Variants in NRXN3 observed in about 807,000 individuals in gnomAD.
The protein encoded by NRXN3 is neurexin 3.
In NRXN3, 32 loss-of-function variants were observed where a neutral mutation model predicts 137.6. The observed-to-expected ratio is 0.23, with a 90% CI of 0.18 to 0.31. The LOEUF (loss-of-function observed/expected upper bound fraction) is 0.31, where lower values mean the gene tolerates loss of function less well. Among genes scored for constraint, NRXN3 ranks in the 10% least tolerant of loss-of-function variants. NRXN3 has a pLI of 1.00. For missense variants in NRXN3, 1,574 were observed against 2,062.5 expected (o/e 0.76, Z 4.59); for synonymous variants, 798 against 784.5 (o/e 1.02, Z -0.29).
At chr14:78,382,800 C>G (rs756478780) in intron 4 of NRXN3, among the ~76,000 whole-genome samples, 1 of 152,094 alleles carries the variant, frequency 6.6e-6, no homozygotes, top group Non-Finnish European at 1.5e-5. Context: ...TAACAGTACT[C>G]AGGATATGTA....
At chr14:78,259,651 A>T (rs2070348015) in intron 2 of NRXN3, among the ~76,000 whole-genome samples, 1 of 152,148 alleles carries the variant, frequency 6.6e-6, no homozygotes, top group Non-Finnish European at 1.5e-5. Context: ...CAGAGGTGGG[A>T]TGCTTGGAAA....
chr14:78,654,418 A>G (rs8008196), intron 6 of NRXN3, among the ~76,000 whole-genome samples: 152,294 of 152,360 alleles, frequency 1, 76,114 homozygotes, highest in Middle Eastern at 1. Context: ...GGGACATGGC[A>G]AAGGGCCTAT....
chr14:78,686,568 T>C (rs1055068019), intron 6 of NRXN3, among the ~76,000 whole-genome samples: 29 of 152,210 alleles, frequency 1.9e-4, no homozygotes, highest in African/African-American at 6.8e-4. Flanking sequence ...AGAAACCCAA[T>C]TGGTAATACT....
intron 10 of NRXN3, among the ~76,000 whole-genome samples, chr14:78,868,924 T>C (rs1329149842): frequency 6.6e-6 from 1 of 152,172 alleles, no homozygotes; most frequent in Admixed American, 6.5e-5. Flanking sequence ...GTTGAATAGC[T>C]TAAATTTAGG....
chr14:78,971,361 G>A (rs2099439318), intron 14 of NRXN3, among the ~76,000 whole-genome samples: 1 of 151,656 alleles, frequency 6.6e-6, no homozygotes, highest in Admixed American at 6.6e-5. Context: ...TTATAACTAA[G>A]AACTAAGACC....
intron 16 of NRXN3, among the ~76,000 whole-genome samples, chr14:79,552,531 A>C (rs1431276703): frequency 6.6e-6 from 1 of 152,196 alleles, no homozygotes; most frequent in Non-Finnish European, 1.5e-5. Context: ...CAAATTTATT[A>C]ACATGCAGAT....
intron 4 of NRXN3, among the ~76,000 whole-genome samples, chr14:78,589,935 C>T (rs536927011): frequency 1.1e-3 from 170 of 152,194 alleles, no homozygotes; most frequent in African/African-American, 3.9e-3. Context: ...CCAGCCTGGG[C>T]GACAAGAGTG....
At chr14:78,798,666 G>A (rs1028807390) in intron 8 of NRXN3, among the ~76,000 whole-genome samples, 4 of 152,222 alleles carry the variant, frequency 2.6e-5, no homozygotes, top group African/African-American at 9.6e-5. Context: ...CCCTAGCAGA[G>A]GCTCTCCATG....
intron 16 of NRXN3, among the ~76,000 whole-genome samples, chr14:79,504,670 T>TATATATATATATATATA (rs1297701522): frequency 3.5e-5 from 5 of 143,118 alleles, no homozygotes; most frequent in African/African-American, 1.3e-4. Context: ...TATATATATA[T>TATATATATATATATATA]ATATAAAACA....
intron 2 of NRXN3, among the ~76,000 whole-genome samples, chr14:78,268,780 TA>T (rs1217137398): frequency 3.9e-5 from 6 of 152,180 alleles, no homozygotes; most frequent in Admixed American, 3.3e-4. Context: ...TAAATGAGGT[TA>T]TTTACATACA....
intron 16 of NRXN3, among the ~76,000 whole-genome samples, chr14:79,522,606 C>T (rs546773963): frequency 5.9e-5 from 9 of 152,068 alleles, no homozygotes; most frequent in Non-Finnish European, 1.3e-4. Context: ...AGTCTTGTAC[C>T]TCTGTAATCT....
At position 79,735,454 on chromosome 14, in the gene NRXN3, G is replaced by A. The variant is rs11622840; in HGVS notation, c.4014+37517G>A. On this transcript the variant is annotated intron_variant, in intron 19 of 20. Transcript: ENST00000335750. ...GACTTAAAGCTGCAAACTTCCCGGG[G>A]TTGACATTAGCTTGAACTTGATGAA... Among the ~76,000 whole-genome samples, 830 of 152,236 alleles carry A rather than the reference G, an allele frequency of 5.5e-3. 9 individuals carry two copies. Among genetic ancestry groups the A allele is most frequent in the Non-Finnish European group, 8.0e-3 (543 of 68,018 alleles).
chr14:78,597,192 G>A (rs1021441602), intron 4 of NRXN3, among the ~76,000 whole-genome samples: 2 of 152,184 alleles, frequency 1.3e-5, no homozygotes, highest in Non-Finnish European at 2.9e-5. Context: ...AATAAATGCA[G>A]GATCAGCTGA....
chr14:78,491,048 T>C (rs772056719), intron 4 of NRXN3, among the ~76,000 whole-genome samples: 9 of 152,118 alleles, frequency 5.9e-5, no homozygotes, highest in Non-Finnish European at 1.0e-4. Flanking sequence ...TTTCGACCTA[T>C]TCAGAAAAGA....
intron 15 of NRXN3, among the ~76,000 whole-genome samples, chr14:79,167,209 A>G (rs2061362049): frequency 6.6e-6 from 1 of 152,056 alleles, no homozygotes; most frequent in South Asian, 2.1e-4. Context: ...TATTTACATC[A>G]AACTTCCCAC....
chr14:78,316,037 A>G (rs2078675737), intron 4 of NRXN3, among the ~76,000 whole-genome samples: 1 of 152,266 alleles, frequency 6.6e-6, no homozygotes, highest in Non-Finnish European at 1.5e-5. Flanking sequence ...CCATTGTACT[A>G]TTGGAATGGA....
chr14:78,883,999 G>T (rs188000491), intron 10 of NRXN3, among the ~76,000 whole-genome samples: 112 of 152,304 alleles, frequency 7.4e-4, no homozygotes, highest in Non-Finnish European at 1.5e-3. Context: ...CAGACGAATA[G>T]TTCCATGATT....
intron 15 of NRXN3, among the ~76,000 whole-genome samples, chr14:79,348,819 C>G (rs1171984817): frequency 6.6e-6 from 1 of 152,162 alleles, no homozygotes; most frequent in Non-Finnish European, 1.5e-5. Context: ...TCTGCATGAT[C>G]AATTACTGCA....
At chr14:78,575,283 G>GT (rs1422489208) in intron 4 of NRXN3, among the ~76,000 whole-genome samples, 1 of 152,206 alleles carries the variant, frequency 6.6e-6, no homozygotes, top group Non-Finnish European at 1.5e-5. Flanking sequence ...GCCAAGAAGT[G>GT]ATCATAGGAT....
Sources: gnomAD v4.1 joint callset for allele counts (sites outside exome capture counted in the v4.1 genomes callset) on GRCh38, gnomAD v4.1.1 for gene constraint, MANE v1.5 for transcripts, NCBI Gene and HGNC (gene_info 2026-07-23, HGNC 2026-07-21) for gene names.